The following CSMD1 variants were observed in gnomAD, a reference collection of about 807,000 sequenced individuals.
CSMD1 encodes the protein CUB and sushi domain-containing protein 1.
A neutral mutation model predicts 417.5 loss-of-function variants in CSMD1; 213 were observed. That is an observed-to-expected ratio of 0.51 (90% confidence interval 0.46 to 0.57). The LOEUF (loss-of-function observed/expected upper bound fraction) is 0.57. Ranked by LOEUF, CSMD1 falls within the 20% of genes least tolerant of loss-of-function variation. The pLI is 0.00. For synonymous variants in CSMD1, 2,862 were observed against 1,736.8 expected (o/e 1.65, Z -16.11); for missense variants, 6,923 against 4,529.7 (o/e 1.53, Z -15.17).
At chr8:3,375,601 T>C (rs1240977663) in intron 18 of CSMD1, among the ~76,000 whole-genome samples, 1 of 152,148 alleles carries the variant, frequency 6.6e-6, no homozygotes, top group African/African-American at 2.4e-5. Flanking sequence ...TTATTTATAA[T>C]AGAAACTTTC....
At chr8:4,896,365 G>A (rs1045881965) in intron 1 of CSMD1, among the ~76,000 whole-genome samples, 1 of 152,042 alleles carries the variant, frequency 6.6e-6, no homozygotes, top group Non-Finnish European at 1.5e-5. Flanking sequence ...AACACAGGGA[G>A]CATTGCTTTT....
chr8:3,694,944 A>C (rs571952105), intron 7 of CSMD1, among the ~76,000 whole-genome samples: 1 of 152,174 alleles, frequency 6.6e-6, no homozygotes, highest in South Asian at 2.1e-4. Context: ...TTGCCAGTTC[A>C]GTATGTCAAG....
intron 3 of CSMD1, among the ~76,000 whole-genome samples, chr8:4,152,830 G>C (rs912984127): frequency 6.6e-6 from 1 of 152,140 alleles, no homozygotes; most frequent in Non-Finnish European, 1.5e-5. Flanking sequence ...AGAGAGTAGG[G>C]AATGTATGTA....
intron 5 of CSMD1, among the ~76,000 whole-genome samples, chr8:3,953,450 G>A (rs919156557): frequency 6.6e-6 from 1 of 152,148 alleles, no homozygotes; most frequent in Non-Finnish European, 1.5e-5. Context: ...TTTGCACAGA[G>A]AAGAGACCAT....
chr8:4,221,345 G>A (rs770536811), intron 3 of CSMD1, among the ~76,000 whole-genome samples: 2 of 147,632 alleles, frequency 1.4e-5, no homozygotes, highest in Non-Finnish European at 3.0e-5. Flanking sequence ...TGTTTCAAAG[G>A]CACAAAGAAG....
chr8:3,480,455 T>C (rs147590963), intron 11 of CSMD1, among the ~76,000 whole-genome samples: 1 of 152,108 alleles, frequency 6.6e-6, no homozygotes, highest in East Asian at 1.9e-4. Flanking sequence ...GAAAAAAGAA[T>C]CCAACTATTT....
At position 4,325,194 on chromosome 8, in the gene CSMD1, A is replaced by G. The variant is rs898517531; in HGVS notation, c.415+94759T>C. ...AATAAATATAACAAAGGAAACTGTC[A>G]TGAAAACAGATGATACATTTCCAGG... On this transcript the variant is annotated intron_variant, in intron 3 of 69. Transcript: ENST00000635120. Among the ~76,000 whole-genome samples, 23 of 152,314 alleles carry G rather than the reference A, an allele frequency of 1.5e-4. 1 individual carries two copies. Among genetic ancestry groups the G allele is most frequent in the African/African-American group, 5.1e-4 (21 of 41,568 alleles).
intron 3 of CSMD1, among the ~76,000 whole-genome samples, chr8:4,130,158 G>T (rs1333044161): frequency 6.6e-6 from 1 of 152,066 alleles, no homozygotes; most frequent in Non-Finnish European, 1.5e-5. Flanking sequence ...TACTGAAAAA[G>T]ACCCAACATC....
At chr8:4,127,359 T>C (rs1802824905) in intron 3 of CSMD1, among the ~76,000 whole-genome samples, 1 of 149,594 alleles carries the variant, frequency 6.7e-6, no homozygotes, top group African/African-American at 2.5e-5. Flanking sequence ...TCCTTCTTTA[T>C]CCTTCAGCTT....
intron 1 of CSMD1, among the ~76,000 whole-genome samples, chr8:4,940,855 T>G (rs185219376): frequency 7.1e-4 from 108 of 152,312 alleles, no homozygotes; most frequent in Non-Finnish European, 1.3e-3. Flanking sequence ...TTAGAGGTCA[T>G]GGTTAAAAAT....
chr8:3,884,944 T>TAC lies in CSMD1; in HGVS notation c.818+112957_818+112958dup, dbSNP rs1228777091. Among the ~76,000 whole-genome samples, 439 of 148,710 alleles carry TAC rather than the reference T, an allele frequency of 3.0e-3. 3 individuals are homozygous for TAC. Among genetic ancestry groups the TAC allele is most frequent in the African/African-American group, 9.3e-3 (379 of 40,692 alleles). On this transcript the variant is annotated intron_variant, in intron 5 of 69. Transcript: ENST00000635120. ...ATATATATATATTCATATATATATATACACACACACACACATTCAGAAGGC... is the reference window on the plus strand; with the variant it reads ...ATATATATATATTCATATATATATATACACACACACACACACATTCAGAAGGC...
chr8:4,784,022 A>C (rs117637120), intron 1 of CSMD1, among the ~76,000 whole-genome samples: 1 of 152,172 alleles, frequency 6.6e-6, no homozygotes, highest in South Asian at 2.1e-4. Flanking sequence ...AATTATGGAT[A>C]AAAAAAGTGT....
chr8:3,944,811 C>A (rs1210936724), intron 5 of CSMD1, among the ~76,000 whole-genome samples: 2 of 152,122 alleles, frequency 1.3e-5, no homozygotes, highest in East Asian at 1.9e-4. Context: ...TGCGTTTCTT[C>A]CCCCGCCAAT....
intron 49 of CSMD1, among the ~76,000 whole-genome samples, chr8:3,068,129 G>C (rs1192192028): frequency 6.6e-6 from 1 of 151,974 alleles, no homozygotes; most frequent in East Asian, 1.9e-4. Context: ...TTTCAAAATG[G>C]CTTGAACAGA....
At chr8:4,051,374 T>A (rs948402959) in intron 3 of CSMD1, among the ~76,000 whole-genome samples, 5 of 151,288 alleles carry the variant, frequency 3.3e-5, no homozygotes, top group Non-Finnish European at 5.9e-5. Context: ...GTTGGCATGA[T>A]CCCGGAGGGC....
intron 1 of CSMD1, among the ~76,000 whole-genome samples, chr8:4,868,559 G>A (rs576594847): frequency 2.6e-5 from 4 of 152,008 alleles, no homozygotes; most frequent in South Asian, 2.1e-4. Flanking sequence ...TATTGTTACC[G>A]TTATTATTAA....
intron 1 of CSMD1, among the ~76,000 whole-genome samples, chr8:4,810,543 G>A (rs761715260): frequency 3.3e-5 from 5 of 151,878 alleles, no homozygotes; most frequent in Admixed American, 6.6e-5. Context: ...GTGTGTGTGC[G>A]CACGCGCGTA....
intron 5 of CSMD1, among the ~76,000 whole-genome samples, chr8:3,769,239 G>C (rs952218152): frequency 4.6e-5 from 7 of 152,140 alleles, no homozygotes; most frequent in Non-Finnish European, 1.0e-4. Context: ...AAGGCAATTT[G>C]ATCATCACCA....
In CSMD1 at chr8:4,850,767, C is replaced by A. The variant is rs1204124321; in HGVS notation, c.85+143565G>T. On this transcript the variant is annotated intron_variant, in intron 1 of 69. Coordinates refer to ENST00000635120, the MANE Select transcript of CSMD1 (RefSeq NM_033225.6). ...CCAGTACCTCAATTTTCTTTCAACC[C>A]CAAACCTAGTGGCTTGCCTATTATT... Among the ~76,000 whole-genome samples, 22 of 151,922 alleles carry A rather than the reference C, an allele frequency of 1.4e-4. 1 individual carries two copies. The highest frequency in any genetic ancestry group is 1.9e-4 in the East Asian group (1 of 5,164).
Sources: allele counts gnomAD v4.1 joint callset (sites outside exome capture counted in the v4.1 genomes callset), GRCh38; gene constraint gnomAD v4.1.1; transcripts MANE v1.5; gene names NCBI Gene and HGNC (gene_info 2026-07-23, HGNC 2026-07-21).